Variants in LARGE1 observed in about 807,000 individuals in gnomAD.
LARGE1 encodes the protein LARGE xylosyl- and glucuronyltransferase 1.
In LARGE1, 43 loss-of-function variants were observed where a neutral mutation model predicts 87.6. The observed-to-expected ratio is 0.49, with a 90% confidence interval of 0.38 to 0.63. LARGE1 has a LOEUF of 0.63. LARGE1 is among the 30% of genes least tolerant of loss of function. The pLI, the probability that LARGE1 is intolerant of heterozygous loss-of-function variation, is 0.00. For synonymous variants in LARGE1, 434 were observed against 394.6 expected, an observed-to-expected ratio of 1.10 and a Z score of -1.18; for missense variants, 802 against 1,000.2, an observed-to-expected ratio of 0.80 and a Z score of 2.67.
At chr22:33,520,991 G>C (rs1385048140) in intron 6 of LARGE1, among the ~76,000 whole-genome samples, 1 of 152,218 alleles carries the variant, frequency 6.6e-6, no homozygotes, top group African/African-American at 2.4e-5. Flanking sequence ...TGAGCTCCTT[G>C]AGGCCAGGGC....
At chr22:33,074,025 T>G in the LARGE1 span, among the ~76,000 whole-genome samples, 1 of 152,180 alleles carries the variant, frequency 6.6e-6, no homozygotes, top group South Asian at 2.1e-4. Flanking sequence ...TCCGGGCTTA[T>G]TGTCTGCTCA....
chr22:33,698,888 C>T (rs1257489483), intron 2 of LARGE1, among the ~76,000 whole-genome samples: 1 of 152,260 alleles, frequency 6.6e-6, no homozygotes, highest in Non-Finnish European at 1.5e-5. Context: ...GCTCCCCTGA[C>T]TTACTTTCTT....
At chr22:33,248,335 G>A (rs890164096) in intron 11 of LARGE1, among the ~76,000 whole-genome samples, 42 of 152,136 alleles carry the variant, frequency 2.8e-4, no homozygotes, top group African/African-American at 9.6e-4. Flanking sequence ...CCACAGGTGC[G>A]TGCCACCACA....
chr22:33,866,479 G>A (rs2064108212), intron 1 of LARGE1, among the ~76,000 whole-genome samples: 2 of 152,196 alleles, frequency 1.3e-5, no homozygotes, highest in African/African-American at 4.8e-5. Context: ...CCTGCAGAAG[G>A]TTCTGTAAGA....
chr22:33,852,877 A>G (rs2063647295), intron 1 of LARGE1, among the ~76,000 whole-genome samples: 1 of 42,064 alleles, frequency 2.4e-5, no homozygotes, highest in South Asian at 1.1e-3. Flanking sequence ...AAAAAAAAAA[A>G]AAGAAAGAAA....
intron 1 of LARGE1, among the ~76,000 whole-genome samples, chr22:33,768,262 T>C (rs1192810139): frequency 1.3e-5 from 2 of 152,116 alleles, no homozygotes; most frequent in African/African-American, 2.4e-5. Flanking sequence ...TGAGCAGAGA[T>C]TGTGCCGCCT....
At chr22:33,675,987 T>C (rs2081565344) in intron 2 of LARGE1, among the ~76,000 whole-genome samples, 1 of 145,782 alleles carries the variant, frequency 6.9e-6, no homozygotes. Context: ...ATACCTCTTA[T>C]AAAGCCTGGA....
chr22:33,841,942 A>C (rs547502437), intron 1 of LARGE1, among the ~76,000 whole-genome samples: 1 of 152,362 alleles, frequency 6.6e-6, no homozygotes, highest in African/African-American at 2.4e-5. Context: ...CACACGGGTG[A>C]ATCACAAAAA....
chr22:33,381,405 C>T (rs2065152310), intron 9 of LARGE1, among the ~76,000 whole-genome samples: 1 of 152,110 alleles, frequency 6.6e-6, no homozygotes, highest in Non-Finnish European at 1.5e-5. Flanking sequence ...CTGTCATTGT[C>T]CGCCCTCTGT....
intron 1 of LARGE1, among the ~76,000 whole-genome samples, chr22:33,784,397 T>C (rs1286050018): frequency 1.3e-5 from 2 of 152,132 alleles, no homozygotes; most frequent in East Asian, 3.9e-4. Flanking sequence ...GGAACAAAAA[T>C]ATAAACCCAG....
chr22:33,186,008 G>A (rs1033742112), intron 11 of LARGE1, among the ~76,000 whole-genome samples: 4 of 152,000 alleles, frequency 2.6e-5, no homozygotes, highest in Non-Finnish European at 5.9e-5. Flanking sequence ...TTACTCTGTA[G>A]CTATTCAAGA....
chr22:33,200,498 C>G (rs1243764482), intron 11 of LARGE1, among the ~76,000 whole-genome samples: 1 of 152,002 alleles, frequency 6.6e-6, no homozygotes, highest in Admixed American at 6.6e-5. Context: ...AGGCATATAC[C>G]CAAAAGATCG....
intron 11 of LARGE1, among the ~76,000 whole-genome samples, chr22:33,174,150 C>T (rs1922732745): frequency 1.3e-5 from 2 of 152,166 alleles, no homozygotes; most frequent in South Asian, 4.1e-4. Context: ...GCTCTCTGAC[C>T]ACAGTGCAAT....
intron 1 of LARGE1, among the ~76,000 whole-genome samples, chr22:33,806,621 C>G (rs961908269): frequency 6.6e-6 from 1 of 152,124 alleles, no homozygotes; most frequent in Non-Finnish European, 1.5e-5. Flanking sequence ...AATCTGGGTA[C>G]CCAGAGCCGT....
Position 33,903,059 on chromosome 22 carries a change from G to T in LARGE1, c.-83+16936C>A, listed in dbSNP as rs140262604. Among the ~76,000 whole-genome samples, 3 of 152,202 alleles carry T rather than the reference G, an allele frequency of 2.0e-5. No homozygotes were observed. In the East Asian group the frequency reaches 5.8e-4, roughly 29 times the overall value. On this transcript the variant is annotated intron_variant, in intron 1 of 14. Transcript: ENST00000397394. ...AGGGAGGAGACACGCTTGAACCCGG[G>T]AGGCGGAGGTTGCACTGAGCCGAGA...
chr22:33,832,528 C>T (rs1297317758), intron 1 of LARGE1, among the ~76,000 whole-genome samples: 3 of 152,192 alleles, frequency 2.0e-5, no homozygotes, highest in East Asian at 1.9e-4. Context: ...CCAGGCTTCA[C>T]GCAAGCTGTG....
intron 1 of LARGE1, among the ~76,000 whole-genome samples, chr22:33,880,496 C>T (rs764194595): frequency 1.2e-4 from 18 of 152,152 alleles, no homozygotes; most frequent in Non-Finnish European, 2.4e-4. Flanking sequence ...AGACCTTATC[C>T]GTGCACAAGT....
chr22:33,103,786 C>T, the LARGE1 span, among the ~76,000 whole-genome samples: 1 of 152,138 alleles, frequency 6.6e-6, no homozygotes, highest in Non-Finnish European at 1.5e-5. Flanking sequence ...ATTGTAGCTC[C>T]CATAATTCCC....
intron 1 of LARGE1, among the ~76,000 whole-genome samples, chr22:33,871,106 A>C (rs2064266118): frequency 6.6e-6 from 1 of 152,226 alleles, no homozygotes; most frequent in African/African-American, 2.4e-5. Flanking sequence ...AATGCTCTGC[A>C]CTCAGGAGCA....
Sources: allele counts gnomAD v4.1 joint callset (sites outside exome capture counted in the v4.1 genomes callset), GRCh38; gene constraint gnomAD v4.1.1; transcripts MANE v1.5; gene names NCBI Gene and HGNC (gene_info 2026-07-23, HGNC 2026-07-21).